USP6: variants seen among roughly 807,000 people sequenced by gnomAD.
The protein encoded by USP6 is ubiquitin specific peptidase 6.
A neutral mutation model predicts 175.7 loss-of-function variants in USP6; 128 were observed. That is an observed-to-expected ratio of 0.73 (90% CI 0.63 to 0.84). The LOEUF is 0.84. Ranked by LOEUF, USP6 falls within the 40% of genes least tolerant of loss-of-function variation. USP6 has a pLI of 0.00. For synonymous variants in USP6, 562 were observed against 630.6 expected, an observed-to-expected ratio of 0.89 and a Z score of 1.63; for missense variants, 1,498 against 1,760.3, an observed-to-expected ratio of 0.85 and a Z score of 2.67.
chr17:5,127,855 T>C (rs1307689061), intron 7 of USP6, among the ~76,000 whole-genome samples: 3 of 152,230 alleles, frequency 2.0e-5, no homozygotes, highest in Admixed American at 2.0e-4. Context: ...GATACTGTAT[T>C]TAGGGAATGA....
chr17:5,125,586 C>G (rs1567771807), intron 5 of USP6, among the ~76,000 whole-genome samples: 3 of 151,980 alleles, frequency 2.0e-5, no homozygotes, highest in Admixed American at 2.0e-4. Context: ...GGCATTCTAT[C>G]AGAAAGACTT....
At position 5,157,108 on chromosome 17, in the gene USP6, C is replaced by T. The variant is rs557494662; in HGVS notation, c.2828+1502C>T. Among the ~76,000 whole-genome samples, 5 of 151,160 alleles carry T rather than the reference C, an allele frequency of 3.3e-5. No homozygotes were observed. In the East Asian group the frequency reaches 9.9e-4, roughly 30 times the overall value. On this transcript the variant is annotated intron_variant, in intron 31 of 37. Transcript: ENST00000574788. ...ATTTTTATTTTGTATTTTTTTGAGA[C>T]GGAGTCTCGCTCTGTCACCCAGGCT...
rs143166427 is a variant in USP6 at position 5,158,790 on chromosome 17, A to G, written c.2829-2738A>G. On this transcript the variant is annotated intron_variant, in intron 31 of 37. Coordinates refer to ENST00000574788, the MANE Select transcript of USP6 (RefSeq NM_001304284.2). ...CAGAGGACTGGGAATTGCCCACTGGATTTGATAAAATGGTCTTTGGTGATC... is the reference window on the plus strand; with the variant it reads ...CAGAGGACTGGGAATTGCCCACTGGGTTTGATAAAATGGTCTTTGGTGATC... Among the ~76,000 whole-genome samples the G allele has an allele frequency of 2.1e-3, 323 of 152,306 alleles. 1 individual carries two copies. Among genetic ancestry groups the G allele is most frequent in the African/African-American group, 7.1e-3 (296 of 41,562 alleles).
intron 31 of USP6, among the ~76,000 whole-genome samples, chr17:5,157,242 C>T (rs879652235): frequency 5.9e-5 from 9 of 151,922 alleles, no homozygotes; most frequent in South Asian, 2.1e-4. Flanking sequence ...CCTGCCACCA[C>T]GCCTGGCTAG....
intron 32 of USP6, 105 bp from the exon 33 acceptor site, chr17:5,162,779 C>T: frequency 6.7e-7 from 1 of 1,491,834 alleles, no homozygotes; most frequent in East Asian, 2.6e-5. Context: ...ATTGTGAGGC[C>T]CAAGAGGAAA....
intron 30 of USP6, among the ~76,000 whole-genome samples, chr17:5,149,666 G>T (rs1415791010): frequency 6.6e-6 from 1 of 152,002 alleles, no homozygotes; most frequent in African/African-American, 2.4e-5. Context: ...AACGCGGATG[G>T]CTTTGGAAAA....
intron 2 of USP6, among the ~76,000 whole-genome samples, chr17:5,120,352 G>T (rs1401593098): frequency 1.3e-5 from 2 of 152,140 alleles, no homozygotes; most frequent in Non-Finnish European, 2.9e-5. Flanking sequence ...CTGGGGGGTT[G>T]TTATCTCTCA....
Position 5,133,075 on chromosome 17 carries a change from G to A in USP6, c.276+85G>A, listed in dbSNP as rs1243739322. On this transcript the variant is annotated intron_variant, in intron 13 of 37. Transcript: ENST00000574788. Reference sequence around the variant, plus strand: ...CCATGGCTGTGGCCTGGCACCGTCAGCCTCTCAGAGGGCGGGTGGCACACT... The same window carrying A: ...CCATGGCTGTGGCCTGGCACCGTCAACCTCTCAGAGGGCGGGTGGCACACT... The A allele has an allele frequency of 2.3e-5, 35 of 1,496,934 alleles. No individual in the cohort carries two copies. In the Admixed American group the frequency reaches 6.1e-4, roughly 26 times the overall value. The allele number at this position is 1,496,934 out of a possible 1,614,324, so 92.7% of individuals were successfully genotyped here.
intron 31 of USP6, among the ~76,000 whole-genome samples, chr17:5,159,958 CG>C (rs2073971308): frequency 8.1e-6 from 1 of 124,068 alleles, no homozygotes; most frequent in African/African-American, 3.3e-5. Context: ...AGTGATACCC[CG>C]TCTCAAAAAA....
In USP6 at chr17:5,130,045, C is replaced by T; in HGVS notation, c.-46C>T. On this transcript the variant is annotated 5_prime_UTR_variant, in exon 9 of 38. Transcript: ENST00000574788. ...CATCCCTGGAATAGACCATCACAGG[C>T]TCTTCACCCTTGGCAGGTGGACACC... The T allele has an allele frequency of 2.7e-6, 1 of 367,346 alleles. No individual in the cohort carries two copies. Among genetic ancestry groups the T allele is most frequent in the East Asian group, 6.0e-5 (1 of 16,788 alleles). 22.8% of individuals were successfully genotyped at this position (367,346 alleles called of 1,614,324 possible).
intron 30 of USP6, among the ~76,000 whole-genome samples, chr17:5,154,973 G>A (rs1056284814): frequency 1.3e-5 from 2 of 152,102 alleles, no homozygotes; most frequent in East Asian, 1.9e-4. Context: ...TGGGATCAAG[G>A]GATCCTCTTG....
Position 5,132,931 on chromosome 17 carries a change from C to T in USP6, c.217C>T (p.Arg73Ter), listed in dbSNP as rs777410769. The T allele has an allele frequency of 3.1e-5, 50 of 1,613,978 alleles. No homozygotes were observed. Among genetic ancestry groups the T allele is most frequent in the Non-Finnish European group, 3.5e-5 (41 of 1,180,004 alleles). The change falls in exon 13 of 38, where the codon CGA (arginine) becomes TGA (stop). Residue 73 changes from arginine to a stop codon, truncating the protein, a stop_gained. Transcript: ENST00000574788. LOFTEE classifies it high-confidence loss of function. This position sits in a 1 kb window ranked among gnomAD's most constrained non-coding sequence, Gnocchi z 4.7. The part of the protein sequence containing the change: ...EAKKIRREMT[R>*]TSKWMEMLGE... Reference sequence around the variant, plus strand: ...ACAGAAAATTCGGCGGGAGATGACACGAACGAGCAAGTGGATGGAAATGCT... The same window carrying T: ...ACAGAAAATTCGGCGGGAGATGACATGAACGAGCAAGTGGATGGAAATGCT...
intron 17 of USP6, 93 bp from the exon 18 acceptor site, chr17:5,136,547 T>C: frequency 6.7e-7 from 1 of 1,488,368 alleles, no homozygotes; most frequent in African/African-American, 1.4e-5. Flanking sequence ...GCCTTGGGGT[T>C]TGGGGGCCTC....
chr17:5,133,620 C>T lies in USP6; in HGVS notation c.384+70C>T, dbSNP rs539232434. 64 of 1,103,974 alleles carry T rather than the reference C, an allele frequency of 5.8e-5. 1 individual carries two copies. In the Admixed American group the frequency reaches 7.6e-4, roughly 13 times the overall value. 68.4% of individuals were successfully genotyped at this position (1,103,974 alleles called of 1,614,324 possible). Reference sequence around the variant, plus strand: ...GGCCCAGGTCTCCAGCTGGAGGGAACGTCAAGCCCACCCTGGGGTGGGGGG... The same window carrying T: ...GGCCCAGGTCTCCAGCTGGAGGGAATGTCAAGCCCACCCTGGGGTGGGGGG... On this transcript the variant is annotated intron_variant, in intron 14 of 37. Transcript: ENST00000574788.
At position 5,139,317 on chromosome 17, in the gene USP6, C is replaced by T; in HGVS notation, c.1141C>T (p.Leu381Phe). 5.6e-6 allele frequency: 9 copies of T among 1,610,844 alleles called. No individual in the cohort carries two copies. The highest frequency in any genetic ancestry group is 7.6e-6 in the Non-Finnish European group (9 of 1,180,028). Reference protein sequence around the residue: ...PVPASRGGKTLCKGYRQAPPG... With the variant: ...PVPASRGGKTFCKGYRQAPPG... ...GCCGGCTTCACGTGGTGGGAAGACCCTCTGCAAGGGGTATAGGCAGGCCCC... is the reference window on the plus strand; with the variant it reads ...GCCGGCTTCACGTGGTGGGAAGACCTTCTGCAAGGGGTATAGGCAGGCCCC... The change falls in exon 22 of 38, where the codon CTC (leucine) becomes TTC (phenylalanine). Residue 381 changes from leucine (L) to phenylalanine (F), a missense_variant. Leu to Phe is a conservative substitution (Grantham distance 22). Coordinates refer to ENST00000574788, the MANE Select transcript of USP6 (RefSeq NM_001304284.2).
Position 5,148,867 on chromosome 17 carries a change from C to T in USP6, c.2643+100C>T, listed in dbSNP as rs1410531912. 4.7e-6 allele frequency: 7 copies of T among 1,494,184 alleles called. No homozygotes were observed. In the African/African-American group the frequency reaches 1.0e-4, roughly 21 times the overall value. 92.6% of individuals were successfully genotyped at this position (1,494,184 alleles called of 1,614,324 possible). A position where few individuals can be genotyped will look rare whatever the true frequency, so the allele number is the denominator to read the frequency against. ...AACATCATTGAATGCATTTTCTTCT[C>T]TTTTTTCTTTAATTTTTAAAAATTT... is the stretch of plus-strand genomic sequence containing the variant. On this transcript the variant is annotated intron_variant, in intron 30 of 37. Transcript: ENST00000574788.
At chr17:5,146,201 TTG>T (rs2073606263) in intron 28 of USP6, 27 bp downstream of exon 28, 1 of 1,562,960 alleles carries the variant, frequency 6.4e-7, no homozygotes, top group African/African-American at 1.4e-5. Flanking sequence ...TAAGAAACTT[TTG>T]ATTCTATCCT....
chr17:5,137,225 C>T (rs766933779), intron 19 of USP6, 39 bp downstream of exon 19: 1 of 1,607,244 alleles, frequency 6.2e-7, no homozygotes. Context: ...AGGGACCCTC[C>T]TTGCCCTGCA....
chr17:5,171,075 G>A (rs530096534), intron 36 of USP6, among the ~76,000 whole-genome samples, 160 bp downstream of exon 36: 44 of 152,284 alleles, frequency 2.9e-4, no homozygotes, highest in African/African-American at 1.0e-3. Flanking sequence ...CAGATGTGGT[G>A]TGGTGGCTCA....
Sources: gnomAD v4.1 joint callset for allele counts (sites outside exome capture counted in the v4.1 genomes callset) on GRCh38, gnomAD v4.1.1 for gene constraint, Gnocchi (gnomAD v3.1) non-coding constraint, MANE v1.5 for transcripts, NCBI Gene and HGNC (gene_info 2026-07-23, HGNC 2026-07-21) for gene names.